Variants in CTNND2 observed in about 807,000 individuals in gnomAD.
CTNND2 encodes catenin delta 2, also known as catenin delta-2.
A neutral mutation model predicts 144.4 loss-of-function variants in CTNND2; 22 were observed. That is an observed-to-expected ratio of 0.15 (90% confidence interval 0.11 to 0.22). CTNND2 has a LOEUF of 0.22. Ranked by LOEUF, CTNND2 falls within the 10% of genes least tolerant of loss-of-function variation. The pLI is 1.00. For synonymous variants in CTNND2, 751 were observed against 695.6 expected (o/e 1.08, Z -1.25); for missense variants, 1,353 against 1,618.8 (o/e 0.84, Z 2.82).
At chr5:11,880,522 C>T (rs1380788281) in intron 1 of CTNND2, among the ~76,000 whole-genome samples, 5 of 145,636 alleles carry the variant, frequency 3.4e-5, no homozygotes, top group Admixed American at 1.4e-4. Context: ...ACTACCACTA[C>T]TACTACTACC....
chr5:11,786,672 C>A (rs1246329842), intron 1 of CTNND2, among the ~76,000 whole-genome samples: 5 of 152,164 alleles, frequency 3.3e-5, no homozygotes, highest in African/African-American at 2.4e-5. Context: ...AGAAACTGAA[C>A]TGAAGGAGAA....
chr5:11,441,632 A>G lies in CTNND2; in HGVS notation c.288-29563T>C, dbSNP rs1473083686. ...CTCCTGACCTGGTAATCCACTCCCC[A>G]CCCCCCACCCCACCCCCTTGGCCTC... On this transcript the variant is annotated intron_variant, in intron 3 of 21. Transcript: ENST00000304623. 8.0e-5 allele frequency among the ~76,000 whole-genome samples: 5 copies of G among 62,768 alleles called. No individual in the cohort carries two copies. The South Asian group carries it at 3.5e-3, about 44-fold the overall frequency. 41.2% of individuals were successfully genotyped at this position (62,768 alleles called of 152,430 possible). A position where few individuals can be genotyped will look rare whatever the true frequency, so the allele number is the denominator to read the frequency against.
intron 2 of CTNND2, among the ~76,000 whole-genome samples, chr5:11,670,308 A>G (rs557555440): frequency 1.2e-4 from 18 of 152,074 alleles, no homozygotes; most frequent in Non-Finnish European, 2.4e-4. Context: ...TATCCTTGTA[A>G]ATTTTCTGTC....
chr5:11,198,987 GTAA>G (rs1477205891), intron 11 of CTNND2, among the ~76,000 whole-genome samples: 1 of 152,096 alleles, frequency 6.6e-6, no homozygotes, highest in South Asian at 2.1e-4. Flanking sequence ...TCCTTAATAT[GTAA>G]TAATTGTGAC....
At chr5:11,561,041 G>A (rs1022578455) in intron 3 of CTNND2, among the ~76,000 whole-genome samples, 1 of 152,172 alleles carries the variant, frequency 6.6e-6, no homozygotes, top group African/African-American at 2.4e-5. Flanking sequence ...GACGAGGACT[G>A]GATGGCTCAT....
At chr5:11,542,002 A>C (rs1051558847) in intron 3 of CTNND2, among the ~76,000 whole-genome samples, 1 of 152,148 alleles carries the variant, frequency 6.6e-6, no homozygotes, top group Admixed American at 6.5e-5. Context: ...AATTAAAAAA[A>C]AAACTATTTT....
chr5:11,685,663 T>C (rs1329660741), intron 2 of CTNND2, among the ~76,000 whole-genome samples: 6 of 152,190 alleles, frequency 3.9e-5, no homozygotes, highest in Non-Finnish European at 5.9e-5. Flanking sequence ...TAAGTTAAAT[T>C]CCATCAACAA....
intron 16 of CTNND2, among the ~76,000 whole-genome samples, chr5:11,078,454 T>C (rs1039814168): frequency 1.3e-5 from 2 of 152,364 alleles, no homozygotes; most frequent in South Asian, 4.1e-4. Context: ...ATTTCCCATC[T>C]GGTGACATTT....
chr5:11,795,375 G>T (rs1466279904), intron 1 of CTNND2, among the ~76,000 whole-genome samples: 1 of 152,188 alleles, frequency 6.6e-6, no homozygotes, highest in African/African-American at 2.4e-5. Context: ...ATTTAACATG[G>T]TTTAAGGAGA....
intron 9 of CTNND2, among the ~76,000 whole-genome samples, chr5:11,332,104 C>T (rs894558751): frequency 4.6e-5 from 7 of 151,792 alleles, no homozygotes; most frequent in South Asian, 2.1e-4. Flanking sequence ...GGAGAAACCC[C>T]GTCCCTACTA....
At chr5:11,309,630 C>T (rs1021557155) in intron 9 of CTNND2, among the ~76,000 whole-genome samples, 3 of 152,092 alleles carry the variant, frequency 2.0e-5, no homozygotes, top group Non-Finnish European at 2.9e-5. Flanking sequence ...AGGACTTTTG[C>T]GTAAATACTG....
chr5:11,045,024 C>A (rs897941002), intron 16 of CTNND2, among the ~76,000 whole-genome samples: 1 of 152,208 alleles, frequency 6.6e-6, no homozygotes, highest in Admixed American at 6.5e-5. Context: ...AGAAATGTAT[C>A]CCTCACAGTT....
chr5:11,751,441 A>C lies in CTNND2; in HGVS notation c.38-19169T>G, dbSNP rs113881005. Among the ~76,000 whole-genome samples, 736 of 151,878 alleles carry C rather than the reference A, an allele frequency of 4.8e-3. 8 individuals carry two copies. The highest frequency in any genetic ancestry group is 0.017 in the African/African-American group (718 of 41,520). On this transcript the variant is annotated intron_variant, in intron 1 of 21. Coordinates refer to ENST00000304623, the MANE Select transcript of CTNND2 (RefSeq NM_001332.4). ...CTGTTGTTCCCTTCTTTGTGTCCAC[A>C]TGTACTCAATATTTACCTTCCACTT...
chr5:11,379,687 C>T (rs571051359), intron 7 of CTNND2, among the ~76,000 whole-genome samples: 5 of 152,188 alleles, frequency 3.3e-5, no homozygotes, highest in East Asian at 3.9e-4. Flanking sequence ...TCAAAGCAAA[C>T]GGGAAAGAGT....
At chr5:11,234,055 G>T (rs903338442) in intron 10 of CTNND2, among the ~76,000 whole-genome samples, 2 of 152,182 alleles carry the variant, frequency 1.3e-5, no homozygotes, top group Non-Finnish European at 2.9e-5. Flanking sequence ...ATGAACTGCT[G>T]CTAGGAGTGC....
intron 1 of CTNND2, among the ~76,000 whole-genome samples, chr5:11,734,429 AAT>A (rs758054586): frequency 3.9e-5 from 6 of 152,210 alleles, no homozygotes; most frequent in Non-Finnish European, 7.3e-5. Flanking sequence ...CATGACAGTG[AAT>A]AAGTCTCAAG....
intron 1 of CTNND2, among the ~76,000 whole-genome samples, chr5:11,828,586 G>T (rs2126956696): frequency 6.6e-6 from 1 of 152,254 alleles, no homozygotes; most frequent in East Asian, 1.9e-4. Flanking sequence ...CTCTCTGACT[G>T]CTGTCACCCA....
At chr5:11,499,258 T>C (rs1256088212) in intron 3 of CTNND2, among the ~76,000 whole-genome samples, 1 of 152,198 alleles carries the variant, frequency 6.6e-6, no homozygotes, top group Non-Finnish European at 1.5e-5. Context: ...TATCTATGGA[T>C]ACCAGTTCAC....
At chr5:11,853,792 G>A (rs946697316) in intron 1 of CTNND2, among the ~76,000 whole-genome samples, 22 of 151,708 alleles carry the variant, frequency 1.5e-4, no homozygotes, top group South Asian at 6.2e-4. Flanking sequence ...AGGTAACTCC[G>A]TTGATTCTAC....
Sources: gnomAD v4.1 joint callset for allele counts (sites outside exome capture counted in the v4.1 genomes callset) on GRCh38, gnomAD v4.1.1 for gene constraint, MANE v1.5 for transcripts, NCBI Gene and HGNC (gene_info 2026-07-23, HGNC 2026-07-21) for gene names.